EXOSC10: variants seen among roughly 807,000 people sequenced by gnomAD.
EXOSC10 encodes exosome complex component 10.
Under a neutral mutation model 126.6 loss-of-function variants are expected in EXOSC10, and 94 were observed. That is an observed-to-expected ratio of 0.74 (90% CI 0.63 to 0.88). EXOSC10 has a LOEUF of 0.88. Among genes scored for constraint, EXOSC10 ranks in the 40% least tolerant of loss-of-function variants. The pLI, the probability that EXOSC10 is intolerant of heterozygous loss-of-function variation, is 0.00. For missense variants in EXOSC10, 1,041 were observed against 1,100.5 expected (o/e 0.95, Z 0.77); for synonymous variants, 395 against 400.8 (o/e 0.99, Z 0.17).
At position 11,091,092 on chromosome 1, in the gene EXOSC10, C is replaced by T; in HGVS notation, c.565G>A (p.Glu189Lys). ...NIIRPQLKFREKIDNSNTPFL... is the reference protein window; with the variant it reads ...NIIRPQLKFRKKIDNSNTPFL... The stretch of plus-strand genomic sequence containing the variant: ...GGTGTGTTGGAATTGTCAATCTTCT[C>T]TCGAAACTTGAGCTGAGGTCGGATG... Residue 189 changes from glutamate (E) to lysine (K), a missense_variant, in exon 5 of 25, where the codon GAG (glutamate) becomes AAG (lysine). Transcript: ENST00000376936. 2 of 1,614,168 alleles carry T rather than the reference C, an allele frequency of 1.2e-6. No homozygotes were observed. The highest frequency in any genetic ancestry group is 1.7e-6 in the Non-Finnish European group (2 of 1,180,030).
chr1:11,088,362 A>T (rs908002598), intron 6 of EXOSC10, among the ~76,000 whole-genome samples, 164 bp from the exon 7 acceptor site: 13 of 152,234 alleles, frequency 8.5e-5, no homozygotes, highest in African/African-American at 3.1e-4. Flanking sequence ...ACAAATCATA[A>T]ATCAGATGAT....
At chr1:11,079,894 A>G (rs1640050981) in intron 13 of EXOSC10, 72 bp from the exon 14 acceptor site, 3 of 1,229,012 alleles carry the variant, frequency 2.4e-6, no homozygotes, top group Non-Finnish European at 3.5e-6. Context: ...AGATAAGAAT[A>G]ATGACTGGGT....
At position 11,091,073 on chromosome 1, in the gene EXOSC10, T is replaced by G. The variant is rs201211568; in HGVS notation, c.584A>C (p.Asn195Thr). The G allele has an allele frequency of 6.2e-7, 1 of 1,614,198 alleles. No homozygotes were observed. The highest frequency in any genetic ancestry group is 2.2e-5 in the East Asian group (1 of 44,886). The part of the protein sequence containing the change: ...LKFREKIDNS[N>T]TPFLPKIFIK... Reference sequence around the variant, plus strand: ...GAAGATTTTAGGAAGAAATGGTGTGTTGGAATTGTCAATCTTCTCTCGAAA... The same window carrying G: ...GAAGATTTTAGGAAGAAATGGTGTGGTGGAATTGTCAATCTTCTCTCGAAA... Residue 195 changes from asparagine (N) to threonine (T), a missense_variant, in exon 5 of 25, where the codon AAC becomes ACC. This residue lies in a region of EXOSC10 where 645 missense variants were observed against 656.3 expected (regional missense o/e 0.98). Coordinates refer to ENST00000376936, the MANE Select transcript of EXOSC10 (RefSeq NM_001001998.3).
intron 7 of EXOSC10, 24 bp downstream of exon 7, chr1:11,088,099 T>C: frequency 6.3e-7 from 1 of 1,596,196 alleles, no homozygotes; most frequent in East Asian, 2.2e-5. Flanking sequence ...ACACGGCACC[T>C]TTAAACTAAG....
chr1:11,082,999 G>C, intron 9 of EXOSC10, 121 bp from the exon 10 acceptor site: 1 of 780,192 alleles, frequency 1.3e-6, no homozygotes, highest in South Asian at 1.7e-5. Flanking sequence ...TGTCCCATCT[G>C]TAGTGCAGTG....
At chr1:11,096,471 C>CTTTT (rs70977546) in intron 2 of EXOSC10, among the ~76,000 whole-genome samples, 20 of 118,782 alleles carry the variant, frequency 1.7e-4, no homozygotes, top group East Asian at 5.2e-4. Context: ...TTCTTTCTTT[C>CTTTT]TTTTTTTTTT....
chr1:11,067,835 C>G (rs1639196838), intron 24 of EXOSC10, among the ~76,000 whole-genome samples, 173 bp downstream of exon 24: 1 of 152,060 alleles, frequency 6.6e-6, no homozygotes, highest in South Asian at 2.1e-4. Flanking sequence ...CAAATCACCT[C>G]CCGCCCTTGT....
In EXOSC10 at chr1:11,082,798, A is replaced by T; in HGVS notation, c.1170T>A (p.His390Gln). 1 of 1,614,212 alleles carries T rather than the reference A, an allele frequency of 6.2e-7. No individual in the cohort carries two copies. The highest frequency in any genetic ancestry group is 1.1e-5 in the South Asian group (1 of 91,076). ...CCAGGTTAAGAAGGCGTGCTGCCTG[A>T]TGAGTATCAAACATGTTTACTACAT... ...GLYVVNMFDT[H>Q]QAARLLNLGR... is the part of the protein sequence containing the mutation. Residue 390 changes from histidine (H) to glutamine (Q), a missense_variant, in exon 10 of 25, where the codon CAT (histidine) becomes CAA (glutamine). Physicochemically the swap from His to Gln is conservative, Grantham distance 24. Coordinates refer to ENST00000376936, the MANE Select transcript of EXOSC10 (RefSeq NM_001001998.3).
chr1:11,069,738 T>TC lies in EXOSC10; in HGVS notation c.2317-9dup. The TC allele has an allele frequency of 6.2e-7, 1 of 1,613,382 alleles. No individual in the cohort carries two copies. The highest frequency in any genetic ancestry group is 8.5e-7 in the Non-Finnish European group (1 of 1,179,878). ...CTTTGCAGCATTTTCTAGCTGTAGA[T>TC]CAGGAACAGATGTGGGGGAGGAACA... is the stretch of plus-strand genomic sequence containing the variant. On this transcript the variant is annotated splice_polypyrimidine_tract_variant and intron_variant, in intron 21 of 24. Coordinates refer to ENST00000376936, the MANE Select transcript of EXOSC10 (RefSeq NM_001001998.3).
At chr1:11,096,610 G>A (rs1641110700) in intron 2 of EXOSC10, among the ~76,000 whole-genome samples, 1 of 150,320 alleles carries the variant, frequency 6.7e-6, no homozygotes, top group African/African-American at 2.5e-5. Context: ...CCAAGTAGCT[G>A]TGACTTGGGA....
At chr1:11,075,853 C>CAAAAAAAAAAAAAAA (rs58667041) in intron 17 of EXOSC10, among the ~76,000 whole-genome samples, 1 of 35,122 alleles carries the variant, frequency 2.8e-5, no homozygotes, top group African/African-American at 1.3e-4. Context: ...GATCCTGTCA[C>CAAAAAAAAAAAAAAA]AAAAAAAAAA....
At chr1:11,077,763 G>A in intron 14 of EXOSC10, 112 bp from the exon 15 acceptor site, 1 of 904,446 alleles carries the variant, frequency 1.1e-6, no homozygotes, top group African/African-American at 1.7e-5. Context: ...CAAAAGCCCA[G>A]AGATTTTCTT....
chr1:11,099,835 T>C lies in EXOSC10; in HGVS notation c.-4A>G, dbSNP rs1431678714. On this transcript the variant is annotated 5_prime_UTR_variant, in exon 1 of 25. Transcript: ENST00000376936. The stretch of plus-strand genomic sequence containing the variant: ...CCCGGGTACTGGGTGGCGCCATTTT[T>C]TCAGCCTGCACGGCTCGTCTCGCGA... The C allele has an allele frequency of 6.2e-7, 1 of 1,602,758 alleles. No homozygotes were observed.
chr1:11,079,192 G>A (rs975519717), intron 14 of EXOSC10, among the ~76,000 whole-genome samples: 4 of 151,472 alleles, frequency 2.6e-5, no homozygotes, highest in African/African-American at 9.7e-5. Context: ...AGCCAGGCGT[G>A]GTGGTGCATG....
intron 21 of EXOSC10, 28 bp from the exon 22 acceptor site, chr1:11,069,758 G>A (rs1169015847): frequency 5.6e-6 from 9 of 1,610,072 alleles, no homozygotes; most frequent in Non-Finnish European, 6.8e-6. Flanking sequence ...ATGTGGGGGA[G>A]GAACAGGGAG....
chr1:11,069,258 A>G lies in EXOSC10; in HGVS notation c.2488+301T>C, dbSNP rs573300093. On this transcript the variant is annotated intron_variant, in intron 22 of 24. Transcript: ENST00000376936. ...GTGTGTGTGTGTGAGAGAGAGAGAG[A>G]GGGTTTATGGGCACAAGTTATAGTG... 3.7e-3 allele frequency among the ~76,000 whole-genome samples: 355 copies of G among 95,914 alleles called. 4 individuals carry two copies. The highest frequency in any genetic ancestry group is 0.011 in the African/African-American group (333 of 29,984). The allele number at this position is 95,914 out of a possible 152,430, so 62.9% of individuals were successfully genotyped here.
At chr1:11,087,776 T>C (rs747912981) in intron 8 of EXOSC10, 24 bp downstream of exon 8, 8 of 1,574,788 alleles carry the variant, frequency 5.1e-6, no homozygotes, top group Non-Finnish European at 6.1e-6. Flanking sequence ...GTAAAAATTT[T>C]ACCCAGGGTC....
intron 15 of EXOSC10, 56 bp downstream of exon 15, chr1:11,077,545 C>A: frequency 6.2e-7 from 1 of 1,610,290 alleles, no homozygotes; most frequent in South Asian, 1.1e-5. Context: ...TGTACTTGCA[C>A]TGGCTGTGAC....
At chr1:11,088,699 T>C (rs1640634081) in intron 6 of EXOSC10, among the ~76,000 whole-genome samples, 1 of 152,220 alleles carries the variant, frequency 6.6e-6, no homozygotes, top group South Asian at 2.1e-4. Flanking sequence ...TTTCATGGCC[T>C]TTGTTTCTCC....
Sources: gnomAD v4.1 joint callset for allele counts (sites outside exome capture counted in the v4.1 genomes callset) on GRCh38, gnomAD v4.1.1 for gene constraint, gnomAD v4.1.1 regional missense constraint, MANE v1.5 for transcripts, NCBI Gene and HGNC (gene_info 2026-07-23, HGNC 2026-07-21) for gene names.